Variants in FANCC observed in about 807,000 individuals in gnomAD.
FANCC encodes the protein Fanconi anemia group C protein.
In FANCC, 55 loss-of-function variants were observed where a neutral mutation model predicts 71.3. The observed-to-expected ratio is 0.77, with a 90% CI of 0.62 to 0.97. FANCC has a LOEUF of 0.97. Among genes scored for constraint, FANCC ranks in the 50% least tolerant of loss-of-function variants. FANCC has a pLI of 0.00. For synonymous variants in FANCC, 275 were observed against 244.9 expected, an observed-to-expected ratio of 1.12 and a Z score of -1.15; for missense variants, 678 against 670.9, an observed-to-expected ratio of 1.01 and a Z score of -0.12.
chr9:95,174,552 T>C (rs1237624363), intron 4 of FANCC, among the ~76,000 whole-genome samples: 1 of 151,894 alleles, frequency 6.6e-6, no homozygotes, highest in African/African-American at 2.4e-5. Context: ...TTTTTTTTCT[T>C]CTTCTTTCTA....
At chr9:95,234,986 C>T (rs1830219312) in intron 4 of FANCC, among the ~76,000 whole-genome samples, 1 of 152,216 alleles carries the variant, frequency 6.6e-6, no homozygotes, top group African/African-American at 2.4e-5. Flanking sequence ...TTAGGATGGG[C>T]AATCTGCTTT....
chr9:95,298,916 A>G (rs1055523746), intron 1 of FANCC, among the ~76,000 whole-genome samples: 2 of 152,250 alleles, frequency 1.3e-5, no homozygotes, highest in African/African-American at 4.8e-5. Context: ...ACAGACATAC[A>G]GTAACATCAG....
intron 1 of FANCC, among the ~76,000 whole-genome samples, chr9:95,299,689 C>G (rs1834603494): frequency 1.3e-5 from 2 of 152,120 alleles, no homozygotes; most frequent in Admixed American, 6.5e-5. Flanking sequence ...AGTGAGACCT[C>G]AGCTCTACAA....
At chr9:95,148,189 G>A (rs1434203734) in intron 7 of FANCC, among the ~76,000 whole-genome samples, 1 of 152,132 alleles carries the variant, frequency 6.6e-6, no homozygotes, top group Non-Finnish European at 1.5e-5. Flanking sequence ...TTAAACTGTT[G>A]CCCTCAAGGA....
At chr9:95,272,649 A>C (rs1459734974) in intron 1 of FANCC, among the ~76,000 whole-genome samples, 1 of 152,154 alleles carries the variant, frequency 6.6e-6, no homozygotes, top group Non-Finnish European at 1.5e-5. Context: ...GAGCTGGGAG[A>C]TCACGCCACT....
At chr9:95,234,114 T>A (rs944483123) in intron 4 of FANCC, among the ~76,000 whole-genome samples, 1 of 152,182 alleles carries the variant, frequency 6.6e-6, no homozygotes, top group African/African-American at 2.4e-5. Context: ...AATACTACTA[T>A]GAATGCAACC....
intron 1 of FANCC, among the ~76,000 whole-genome samples, chr9:95,291,961 A>AT (rs1280558528): frequency 4.5e-4 from 47 of 104,264 alleles, no homozygotes; most frequent in African/African-American, 1.5e-3. Flanking sequence ...AAAAAAAAAA[A>AT]AAAAAAATAT....
At chr9:95,232,774 T>C (rs1830087981) in intron 4 of FANCC, among the ~76,000 whole-genome samples, 2 of 152,330 alleles carry the variant, frequency 1.3e-5, no homozygotes, top group African/African-American at 4.8e-5. Flanking sequence ...TGACCTGTTT[T>C]CTCTTGCTGT....
intron 4 of FANCC, among the ~76,000 whole-genome samples, chr9:95,226,832 G>C (rs962137118): frequency 6.6e-6 from 1 of 152,132 alleles, no homozygotes; most frequent in Admixed American, 6.5e-5. Context: ...ATATTCAGCT[G>C]TCTCTGCTTT....
At chr9:95,124,918 A>T (rs933142566) in intron 10 of FANCC, among the ~76,000 whole-genome samples, 168 bp downstream of exon 10, 2 of 152,220 alleles carry the variant, frequency 1.3e-5, no homozygotes, top group African/African-American at 4.8e-5. Context: ...ATCTTGATTT[A>T]TGTTAAGTTA....
chr9:95,190,341 G>A (rs922515297), intron 4 of FANCC, among the ~76,000 whole-genome samples: 6 of 152,096 alleles, frequency 3.9e-5, no homozygotes, highest in African/African-American at 1.4e-4. Flanking sequence ...AAACATGCTA[G>A]AAGAGCTACC....
At chr9:95,226,756 G>A (rs1197273378) in intron 4 of FANCC, among the ~76,000 whole-genome samples, 1 of 152,150 alleles carries the variant, frequency 6.6e-6, no homozygotes, top group Non-Finnish European at 1.5e-5. Context: ...CACTCCCCAG[G>A]AGGGCAAAGC....
At chr9:95,254,693 T>C (rs1363681267) in intron 1 of FANCC, among the ~76,000 whole-genome samples, 6 of 152,148 alleles carry the variant, frequency 3.9e-5, no homozygotes, top group Admixed American at 3.9e-4. Context: ...AGTTTTTTCA[T>C]ACACCAGTGG....
intron 4 of FANCC, among the ~76,000 whole-genome samples, chr9:95,207,493 C>T (rs181949508): frequency 3.2e-4 from 49 of 152,190 alleles, no homozygotes; most frequent in African/African-American, 1.2e-3. Context: ...CCCAAACATA[C>T]CCACCAAAAG....
chr9:95,306,477 T>C (rs752803401), intron 1 of FANCC, among the ~76,000 whole-genome samples: 3 of 152,120 alleles, frequency 2.0e-5, no homozygotes, highest in Non-Finnish European at 4.4e-5. Flanking sequence ...AATGCTTCCA[T>C]AGGAAGCTTC....
At chr9:95,142,034 C>T (rs1828822834) in intron 7 of FANCC, among the ~76,000 whole-genome samples, 1 of 138,002 alleles carries the variant, frequency 7.2e-6, no homozygotes, top group Admixed American at 7.6e-5. Context: ...CTCTTGTCGC[C>T]CAGGCTGGAG....
At chr9:95,201,522 G>A (rs545269351) in intron 4 of FANCC, among the ~76,000 whole-genome samples, 13 of 152,086 alleles carry the variant, frequency 8.5e-5, no homozygotes, top group Middle Eastern at 3.4e-3. Flanking sequence ...GTAATCACAA[G>A]TCAAGTCTGG....
chr9:95,194,040 C>G (rs1452808111), intron 4 of FANCC, among the ~76,000 whole-genome samples: 1 of 152,140 alleles, frequency 6.6e-6, no homozygotes, highest in Non-Finnish European at 1.5e-5. Context: ...AGCCATACAC[C>G]AAACCAACTG....
intron 6 of FANCC, among the ~76,000 whole-genome samples, chr9:95,165,976 T>G (rs1300764120): frequency 6.6e-6 from 1 of 152,096 alleles, no homozygotes; most frequent in African/African-American, 2.4e-5. Flanking sequence ...TATATTATTG[T>G]AATTGTTGTA....
Sources: gnomAD v4.1 joint callset for allele counts (sites outside exome capture counted in the v4.1 genomes callset) on GRCh38, gnomAD v4.1.1 for gene constraint, MANE v1.5 for transcripts, NCBI Gene and HGNC (gene_info 2026-07-23, HGNC 2026-07-21) for gene names.